TMCC3: variants seen among roughly 807,000 people sequenced by gnomAD.
TMCC3 encodes transmembrane and coiled-coil domain protein 3.
TMCC3 carries 28 observed loss-of-function variants against 40.2 expected under a neutral mutation model. The observed-to-expected ratio is 0.70, with a 90% CI of 0.52 to 0.95. The LOEUF is 0.95. Among genes scored for constraint, TMCC3 ranks in the 40% least tolerant of loss-of-function variants. The probability of loss-of-function intolerance (pLI) is 0.00; values close to 1 mark genes in which losing one functional copy is unlikely to be tolerated. For missense variants in TMCC3, 554 were observed against 615.2 expected (o/e 0.90, Z 1.05); for synonymous variants, 255 against 248.5 (o/e 1.03, Z -0.25).
chr12:94,597,328 GA>G (rs201406095), intron 1 of TMCC3, among the ~76,000 whole-genome samples: 1 of 148,734 alleles, frequency 6.7e-6, no homozygotes, highest in African/African-American at 2.5e-5. Context: ...GAAAGAAAAA[GA>G]AAAAAAAATT....
chr12:94,592,661 C>CAAACAAAAAAAAAAAAAAAAA (rs1179258894), intron 1 of TMCC3, among the ~76,000 whole-genome samples: 1 of 27,496 alleles, frequency 3.6e-5, no homozygotes, highest in Non-Finnish European at 6.8e-5. Context: ...GGCTCCATCT[C>CAAACAAAAAAAAAAAAAAAAA]AAAAAAAAAA....
chr12:94,578,185 A>T (rs889397435), intron 3 of TMCC3, among the ~76,000 whole-genome samples: 3 of 151,042 alleles, frequency 2.0e-5, no homozygotes, highest in African/African-American at 7.3e-5. Context: ...GAAAAAGAAA[A>T]AAAAAAGAAT....
chr12:94,634,939 C>G (rs2068952438), intron 1 of TMCC3, among the ~76,000 whole-genome samples: 1 of 152,204 alleles, frequency 6.6e-6, no homozygotes, highest in Non-Finnish European at 1.5e-5. Flanking sequence ...CATATTCATT[C>G]CACTCTTAAT....
At chr12:94,646,552 C>A (rs1440818708) in intron 1 of TMCC3, among the ~76,000 whole-genome samples, 1 of 149,588 alleles carries the variant, frequency 6.7e-6, no homozygotes, top group Non-Finnish European at 1.5e-5. Flanking sequence ...GATTCTCCTG[C>A]CTCAGCCTTC....
intron 1 of TMCC3, among the ~76,000 whole-genome samples, chr12:94,586,090 C>T (rs2068636943): frequency 6.6e-6 from 1 of 152,232 alleles, no homozygotes; most frequent in African/African-American, 2.4e-5. Flanking sequence ...GTGAAGATGG[C>T]TTCCCAATAC....
intron 1 of TMCC3, among the ~76,000 whole-genome samples, chr12:94,582,965 CTTTTTTTTTTTTTTT>C (rs753900771): frequency 1.0e-4 from 6 of 59,956 alleles, no homozygotes; most frequent in South Asian, 6.2e-4. Flanking sequence ...GAAGGAGAAT[CTTTTTTTTTTTTTTT>C]TTTTTTTTTT....
chr12:94,627,976 T>A (rs562813379), intron 1 of TMCC3, among the ~76,000 whole-genome samples: 1 of 152,390 alleles, frequency 6.6e-6, no homozygotes, highest in South Asian at 2.1e-4. Flanking sequence ...ATGTACTGAA[T>A]TGGGCTGAAA....
intron 1 of TMCC3, among the ~76,000 whole-genome samples, chr12:94,597,453 C>T (rs2068725595): frequency 6.6e-6 from 1 of 152,150 alleles, no homozygotes. Context: ...CTCCTTTGGA[C>T]ACACCCATAT....
intron 1 of TMCC3, among the ~76,000 whole-genome samples, chr12:94,640,480 A>G (rs569501811): frequency 1.3e-5 from 2 of 152,318 alleles, no homozygotes; most frequent in East Asian, 3.9e-4. Flanking sequence ...CACCACACCC[A>G]GTGCTAATCT....
intron 3 of TMCC3, among the ~76,000 whole-genome samples, chr12:94,575,455 C>T (rs1039440427): frequency 6.6e-6 from 1 of 152,156 alleles, no homozygotes; most frequent in Admixed American, 6.5e-5. Context: ...AGGCACAGAG[C>T]ACTAACTCAT....
intron 1 of TMCC3, among the ~76,000 whole-genome samples, chr12:94,611,620 A>G (rs992042607): frequency 6.6e-6 from 1 of 152,216 alleles, no homozygotes; most frequent in Non-Finnish European, 1.5e-5. Flanking sequence ...AAAATCTGCG[A>G]GTGTTCAAGT....
chr12:94,584,006 T>C (rs1462295517), intron 1 of TMCC3, among the ~76,000 whole-genome samples: 1 of 152,154 alleles, frequency 6.6e-6, no homozygotes, highest in Non-Finnish European at 1.5e-5. Context: ...ATATTCAGCA[T>C]GTTACCTTTT....
rs1331645416 is a variant in TMCC3, at chr12:94,597,145, ATATATATATATATG to A, written c.79-14621_79-14608del. Among the ~76,000 whole-genome samples the A allele has an allele frequency of 6.9e-3, 110 of 15,882 alleles. 6 individuals are homozygous for A. The highest frequency in any genetic ancestry group is 0.022 in the South Asian group (15 of 684). 10.4% of individuals were successfully genotyped at this position (15,882 alleles called of 152,430 possible). ...AATACATATATATATATATATATAT[ATATATATATATATG>A]TATATAAATTAGCCAGGCCTGCTGG... On this transcript the variant is annotated intron_variant, in intron 1 of 3. Transcript: ENST00000261226.
At chr12:94,620,672 A>G (rs569218527) in intron 1 of TMCC3, among the ~76,000 whole-genome samples, 10 of 152,232 alleles carry the variant, frequency 6.6e-5, no homozygotes, top group Non-Finnish European at 1.3e-4. Context: ...TAGAGCTACT[A>G]AACACTTCAT....
chr12:94,569,262 A>G lies in TMCC3; in HGVS notation c.*2173T>C, dbSNP rs1278007149. On this transcript the variant is annotated 3_prime_UTR_variant, in exon 4 of 4. Coordinates refer to ENST00000261226, the MANE Select transcript of TMCC3 (RefSeq NM_020698.4). ...CCAGCTTGATTTAGGAGTGTAAGTT[A>G]CACTCAGCACTCAGCCCACGCTGAG... The G allele has an allele frequency of 6.6e-6, 1 of 152,274 alleles. No homozygotes were observed. Among genetic ancestry groups the G allele is most frequent in the Non-Finnish European group, 1.5e-5 (1 of 68,068 alleles). The allele number at this position is 152,274 out of a possible 1,614,324, so 9.4% of individuals were successfully genotyped here. A position where few individuals can be genotyped will look rare whatever the true frequency, so the allele number is the denominator to read the frequency against.
chr12:94,582,965 CTTTTTTTTT>C (rs753900771), intron 1 of TMCC3, among the ~76,000 whole-genome samples: 29 of 59,950 alleles, frequency 4.8e-4, no homozygotes, highest in African/African-American at 2.5e-3. Flanking sequence ...GAAGGAGAAT[CTTTTTTTTT>C]TTTTTTTTTT....
At position 94,604,642 on chromosome 12, in the gene TMCC3, C is replaced by CAAA. The variant is rs62951060; in HGVS notation, c.79-22107_79-22105dup. Among the ~76,000 whole-genome samples, 562 of 116,020 alleles carry CAAA rather than the reference C, an allele frequency of 4.8e-3. 11 individuals carry two copies. The highest frequency in any genetic ancestry group is 9.0e-3 in the Middle Eastern group (2 of 222). The allele number at this position is 116,020 out of a possible 152,430, so 76.1% of individuals were successfully genotyped here. The stretch of plus-strand genomic sequence containing the variant: ...CACAATAGTGAGACCCCATCTCTAC[C>CAAA]AAAAAAAAAAAAAAAAAATGCTGCG... On this transcript the variant is annotated intron_variant, in intron 1 of 3. Coordinates refer to ENST00000261226, the MANE Select transcript of TMCC3 (RefSeq NM_020698.4).
chr12:94,571,292 G>T lies in TMCC3; in HGVS notation c.*143C>A, dbSNP rs1184810867. 3 of 831,426 alleles carry T rather than the reference G, an allele frequency of 3.6e-6. No homozygotes were observed. Among genetic ancestry groups the T allele is most frequent in the Admixed American group, 2.8e-5 (1 of 36,314 alleles). The allele number at this position is 831,426 out of a possible 1,614,324, so 51.5% of individuals were successfully genotyped here. Reference sequence around the variant, plus strand: ...GTTGGCAACTGCTACGGAGTTAAGAGAATTGTAGTTATTTACACCACACAG... The same window carrying T: ...GTTGGCAACTGCTACGGAGTTAAGATAATTGTAGTTATTTACACCACACAG... On this transcript the variant is annotated 3_prime_UTR_variant, in exon 4 of 4. Transcript: ENST00000261226.
At chr12:94,592,393 A>G (rs151026418) in intron 1 of TMCC3, among the ~76,000 whole-genome samples, 2,238 of 151,928 alleles carry the variant, frequency 0.015, 29 homozygotes, top group African/African-American at 0.032. Flanking sequence ...TAATCTAAGT[A>G]CTTTGGGAGG....
Sources: gnomAD v4.1 joint callset for allele counts (sites outside exome capture counted in the v4.1 genomes callset) on GRCh38, gnomAD v4.1.1 for gene constraint, MANE v1.5 for transcripts, NCBI Gene and HGNC (gene_info 2026-07-23, HGNC 2026-07-21) for gene names.